Variants in DNAH14 observed in about 807,000 individuals in gnomAD.
DNAH14 encodes axonemal beta dynein heavy chain 14.
A neutral mutation model predicts 520.9 loss-of-function variants in DNAH14; 478 were observed. That is an observed-to-expected ratio of 0.92 (90% CI 0.85 to 0.99). The LOEUF (loss-of-function observed/expected upper bound fraction) is 0.99, where lower values mean the gene tolerates loss of function less well. Among genes scored for constraint, DNAH14 ranks in the 50% least tolerant of loss-of-function variants. The probability of loss-of-function intolerance (pLI) is 0.00; values close to 1 mark genes in which losing one functional copy is unlikely to be tolerated. For missense variants in DNAH14, 4,831 were observed against 5,234.5 expected, an observed-to-expected ratio of 0.92 and a Z score of 2.38; for synonymous variants, 1,581 against 1,757.2, an observed-to-expected ratio of 0.90 and a Z score of 2.51.
chr1:225,271,512 G>C (rs1307653702), intron 50 of DNAH14, among the ~76,000 whole-genome samples: 2 of 152,066 alleles, frequency 1.3e-5, no homozygotes, highest in African/African-American at 2.4e-5. Flanking sequence ...ATTTTTCGAA[G>C]AATGTATACC....
intron 37 of DNAH14, among the ~76,000 whole-genome samples, chr1:225,189,662 G>A (rs1022623728): frequency 6.6e-6 from 1 of 151,802 alleles, no homozygotes; most frequent in Non-Finnish European, 1.5e-5. Context: ...CTTTCAAACT[G>A]TGTATTTGAA....
At position 225,170,708 on chromosome 1, in the gene DNAH14, A is replaced by C. The variant is rs559937151; in HGVS notation, c.5535+2680A>C. Among the ~76,000 whole-genome samples the C allele has an allele frequency of 2.0e-5, 3 of 152,306 alleles. No homozygotes were observed. In the South Asian group the frequency reaches 6.2e-4, roughly 32 times the overall value. ...CCCCACTGTCAACATTCGACAGATC[A>C]ATGAGACAAAAAGTTAATAAGGATA... On this transcript the variant is annotated intron_variant, in intron 36 of 85. Transcript: ENST00000682510.
intron 41 of DNAH14, among the ~76,000 whole-genome samples, chr1:225,228,709 A>G (rs538769163): frequency 6.6e-6 from 1 of 152,200 alleles, no homozygotes; most frequent in South Asian, 2.1e-4. Flanking sequence ...AATACGAGTT[A>G]TAACCACTGC....
At chr1:225,182,232 T>C (rs1489421444) in intron 36 of DNAH14, among the ~76,000 whole-genome samples, 1 of 151,928 alleles carries the variant, frequency 6.6e-6, no homozygotes, top group Non-Finnish European at 1.5e-5. Context: ...ATTAAGAAAT[T>C]AACCTTATTA....
chr1:225,110,652 G>A (rs1277968166), intron 23 of DNAH14, among the ~76,000 whole-genome samples: 4 of 150,826 alleles, frequency 2.7e-5, no homozygotes, highest in African/African-American at 9.7e-5. Context: ...TTTCTATAGT[G>A]TAATTTCATT....
intron 38 of DNAH14, among the ~76,000 whole-genome samples, chr1:225,203,406 C>T (rs2087112074): frequency 6.6e-6 from 1 of 152,110 alleles, no homozygotes; most frequent in Admixed American, 6.5e-5. Context: ...TTTGCTGGGA[C>T]CTGGTTGAAA....
intron 37 of DNAH14, among the ~76,000 whole-genome samples, chr1:225,187,406 T>C (rs943158420): frequency 6.6e-6 from 1 of 151,786 alleles, no homozygotes; most frequent in Admixed American, 6.6e-5. Context: ...TAGATATATA[T>C]CTGGGTTTTT....
At chr1:225,374,611 G>T in intron 77 of DNAH14, 77 bp from the exon 78 acceptor site, 2 of 1,271,146 alleles carry the variant, frequency 1.6e-6, no homozygotes, top group South Asian at 1.8e-5. Flanking sequence ...TTTGAGAGTT[G>T]ATTTTATGTT....
intron 84 of DNAH14, among the ~76,000 whole-genome samples, chr1:225,395,103 G>A (rs1483778687): frequency 1.3e-5 from 2 of 152,132 alleles, no homozygotes; most frequent in Admixed American, 6.5e-5. Flanking sequence ...TGGTTATAAG[G>A]TATGATTCCT....
intron 43 of DNAH14, among the ~76,000 whole-genome samples, chr1:225,249,694 T>A (rs1012634379): frequency 2.0e-5 from 3 of 152,198 alleles, no homozygotes; most frequent in Admixed American, 2.0e-4. Context: ...TCACCATACA[T>A]CAGTTTTAGA....
At chr1:225,273,291 G>A (rs2093363534) in intron 52 of DNAH14, among the ~76,000 whole-genome samples, 166 bp downstream of exon 52, 1 of 152,172 alleles carries the variant, frequency 6.6e-6, no homozygotes, top group South Asian at 2.1e-4. Flanking sequence ...AATTAGCCGG[G>A]CGTGGTGATG....
chr1:225,336,238 A>G (rs2095051118), intron 66 of DNAH14, among the ~76,000 whole-genome samples: 1 of 151,644 alleles, frequency 6.6e-6, no homozygotes. Context: ...TTTATAAAAT[A>G]AAACATACGT....
intron 49 of DNAH14, among the ~76,000 whole-genome samples, chr1:225,269,378 A>G (rs2149818008): frequency 6.6e-6 from 1 of 152,376 alleles, no homozygotes; most frequent in Non-Finnish European, 1.5e-5. Context: ...TAAAAACCCT[A>G]GAAGAAAACC....
At chr1:225,086,025 A>G (rs1315501673) in intron 21 of DNAH14, among the ~76,000 whole-genome samples, 1 of 152,106 alleles carries the variant, frequency 6.6e-6, no homozygotes, top group East Asian at 1.9e-4. Context: ...TTTAGATCAT[A>G]GAAAAATATG....
rs117043472 is a variant in DNAH14, at chr1:225,217,851, G to A, written c.6439+10631G>A. Among the ~76,000 whole-genome samples the A allele has an allele frequency of 1.8e-3, 270 of 152,172 alleles. 5 individuals are homozygous for A. In the East Asian group the frequency reaches 0.038, roughly 21 times the overall value. On this transcript the variant is annotated intron_variant, in intron 41 of 85. Coordinates refer to ENST00000682510, the MANE Select transcript of DNAH14 (RefSeq NM_001367479.1). The stretch of plus-strand genomic sequence containing the variant: ...AATTCCCTGATCCCTTGGGCTTCCC[G>A]GGTGAGGCAATGCCCCACCCTGCTC...
At chr1:225,287,303 C>G (rs979157799) in intron 54 of DNAH14, among the ~76,000 whole-genome samples, 9 of 152,208 alleles carry the variant, frequency 5.9e-5, no homozygotes, top group African/African-American at 1.7e-4. Context: ...GTGTGTGACA[C>G]AAACTCACTG....
At chr1:225,231,400 A>G (rs1386803764) in intron 42 of DNAH14, among the ~76,000 whole-genome samples, 2 of 152,166 alleles carry the variant, frequency 1.3e-5, no homozygotes, top group Non-Finnish European at 2.9e-5. Context: ...ATACTTGAGA[A>G]AGGAATAAAA....
At chr1:225,364,563 G>A (rs1419286166) in intron 75 of DNAH14, among the ~76,000 whole-genome samples, 1 of 151,500 alleles carries the variant, frequency 6.6e-6, no homozygotes, top group Admixed American at 6.6e-5. Flanking sequence ...TTTGCAATGA[G>A]TATATGATCA....
chr1:225,114,999 AT>A (rs2076763738), intron 23 of DNAH14, among the ~76,000 whole-genome samples: 1 of 152,204 alleles, frequency 6.6e-6, no homozygotes, highest in Admixed American at 6.5e-5. Context: ...AATTTGTTAT[AT>A]CTGTGGGGAG....
Sources: gnomAD v4.1 joint callset for allele counts (sites outside exome capture counted in the v4.1 genomes callset) on GRCh38, gnomAD v4.1.1 for gene constraint, MANE v1.5 for transcripts, NCBI Gene and HGNC (gene_info 2026-07-23, HGNC 2026-07-21) for gene names.